The following DMD variants were observed in gnomAD, a reference collection of about 807,000 sequenced individuals.
DMD encodes the protein dystrophin.
Under a neutral mutation model 330.1 loss-of-function variants are expected in DMD, and 63 were observed. The ratio of observed to expected loss-of-function variants is 0.19; its 90% CI spans 0.16 to 0.24. The LOEUF (loss-of-function observed/expected upper bound fraction) is 0.24. Among genes scored for constraint, DMD ranks in the 10% least tolerant of loss-of-function variants. DMD has a pLI of 1.00. For synonymous variants in DMD, 1,223 were observed against 959.8 expected (o/e 1.27, Z -5.07); for missense variants, 3,344 against 2,684.1 (o/e 1.25, Z -5.43).
chrX:31,581,868 T>C (rs1433527001), intron 55 of DMD, among the ~76,000 whole-genome samples: 1 of 111,903 alleles, frequency 8.9e-6, no homozygotes, highest in Non-Finnish European at 1.9e-5. Context: ...GACCGTAAAT[T>C]TCTTTCGACT....
intron 44 of DMD, among the ~76,000 whole-genome samples, chrX:32,023,170 T>G (rs1053981026): frequency 2.7e-5 from 3 of 111,331 alleles, no homozygotes; most frequent in Non-Finnish European, 3.8e-5. Flanking sequence ...TCTTTGCAAC[T>G]TCGGAAAAAT....
chrX:32,348,464 A>C lies in DMD; in HGVS notation c.5390T>G (p.Leu1797Arg). ...NSDIQKLLEP[L>R]EAEIQQGVNL... is the part of the protein sequence containing the mutation. Reference sequence around the variant, plus strand: ...CACCCCCTGCTGAATTTCAGCCTCCAGTGGTTCAAGCAATTTTTGTATATC... The same window carrying C: ...CACCCCCTGCTGAATTTCAGCCTCCCGTGGTTCAAGCAATTTTTGTATATC... The change falls in exon 38 of 79, where the codon CTG (leucine) becomes CGG (arginine). Residue 1797 changes from leucine to arginine, a missense_variant. Leu to Arg is a moderately radical substitution (Grantham distance 102). Transcript: ENST00000357033. The C allele has an allele frequency of 8.3e-7, 1 of 1,205,594 alleles. No individual in the cohort carries two copies. The highest frequency in any genetic ancestry group is 1.7e-5 in the African/African-American group (1 of 57,597).
At chrX:31,739,742 G>A (rs757558948) in intron 51 of DMD, among the ~76,000 whole-genome samples, 49 of 106,779 alleles carry the variant, frequency 4.6e-4, no homozygotes, top group African/African-American at 1.6e-3. Context: ...AAACCTGCAC[G>A]TTCTGCACAT....
intron 9 of DMD, among the ~76,000 whole-genome samples, chrX:32,662,349 T>C (rs965910332): frequency 8.9e-6 from 1 of 111,757 alleles, no homozygotes; most frequent in African/African-American, 3.2e-5. Flanking sequence ...AGAAAACTCA[T>C]GCAGAAACTG....
At position 32,386,484 on chromosome X, in the gene DMD, C is replaced by A; in HGVS notation, c.4519-19G>T. 8.6e-7 allele frequency: 1 copy of A among 1,160,591 alleles called. No homozygotes were observed. The highest frequency in any genetic ancestry group is 1.8e-5 in the African/African-American group (1 of 56,635). On this transcript the variant is annotated intron_variant, in intron 32 of 78. Transcript: ENST00000357033. ...ACAAGTTCTAAGTTTAAACATAAAA[C>A]AAAACATGATAATCAGTAGAGTTAA...
At chrX:32,470,831 CA>C (rs945867740) in intron 22 of DMD, among the ~76,000 whole-genome samples, 6 of 110,721 alleles carry the variant, frequency 5.4e-5, no homozygotes, top group South Asian at 3.7e-4. Flanking sequence ...TTTAATTATC[CA>C]AAAAAAATTC....
At position 31,209,651 on chromosome X, in the gene DMD, T is replaced by C. The variant is rs779737146; in HGVS notation, c.9410A>G (p.Asn3137Ser). Reference sequence around the variant, plus strand: ...CATGGGCTGGTCATTTTGCTTGAGGTTGTGCTGGTCCAAGGCATCACATGC... The same window carrying C: ...CATGGGCTGGTCATTTTGCTTGAGGCTGTGCTGGTCCAAGGCATCACATGC... ...SAACDALDQHNLKQNDQPMDI... is the reference protein window; with the variant it reads ...SAACDALDQHSLKQNDQPMDI... Residue 3137 changes from asparagine (N) to serine (S), a missense_variant, in exon 65 of 79, where the codon AAC becomes AGC. Physicochemically the swap from Asn to Ser is conservative, Grantham distance 46. Coordinates refer to ENST00000357033, the MANE Select transcript of DMD (RefSeq NM_004006.3). 2.9e-5 allele frequency: 35 copies of C among 1,209,658 alleles called. No homozygotes were observed. The South Asian group carries it at 5.3e-4, about 18-fold the overall frequency.
chrX:33,277,394 C>T (rs1283453251), intron 1 of DMD, among the ~76,000 whole-genome samples: 1 of 111,312 alleles, frequency 9.0e-6, no homozygotes, highest in African/African-American at 3.3e-5. Context: ...TTGAATTGTA[C>T]ACTTTAAAAT....
At chrX:31,342,221 C>A (rs764189947) in intron 61 of DMD, among the ~76,000 whole-genome samples, 1 of 111,790 alleles carries the variant, frequency 8.9e-6, no homozygotes, top group African/African-American at 3.3e-5. Flanking sequence ...GGACTTGACC[C>A]TTTTGCCTCA....
chrX:33,029,154 G>GT (rs2094059253), intron 1 of DMD, among the ~76,000 whole-genome samples: 1 of 111,472 alleles, frequency 9.0e-6, no homozygotes, highest in South Asian at 3.8e-4. Context: ...AAACTACTCT[G>GT]TTAATTATAG....
intron 7 of DMD, among the ~76,000 whole-genome samples, chrX:32,729,939 A>G (rs1209118403): frequency 8.9e-6 from 1 of 111,968 alleles, no homozygotes; most frequent in Non-Finnish European, 1.9e-5. Context: ...CTATATGACC[A>G]TGGTCCAGGA....
chrX:32,778,458 T>C (rs1303676627), intron 7 of DMD, among the ~76,000 whole-genome samples: 3 of 111,169 alleles, frequency 2.7e-5, no homozygotes, highest in Non-Finnish European at 5.6e-5. Flanking sequence ...GAGAGTGCAG[T>C]AGTATTCAAT....
rs951881383 is a variant in DMD, at chrX:32,742,022, A to C, written c.650-42729T>G. 2.7e-5 allele frequency among the ~76,000 whole-genome samples: 3 copies of C among 111,677 alleles called. No individual in the cohort carries two copies. In the South Asian group the frequency reaches 1.1e-3, roughly 42 times the overall value. ...AATATATTTTTAGAATGTGTGTTCC[A>C]TGTCAAATGGTCCAACTCTTGACTC... On this transcript the variant is annotated intron_variant, in intron 7 of 78. Transcript: ENST00000357033.
rs2052475092 is a variant in DMD, at chrX:33,236,072, C to T, written c.7+103187G>A. 2.9e-5 allele frequency among the ~76,000 whole-genome samples: 3 copies of T among 104,826 alleles called. No homozygotes were observed. In the South Asian group the frequency reaches 1.3e-3, roughly 47 times the overall value. The allele number at this position is 104,826 out of a possible 115,157, so 91.0% of individuals were successfully genotyped here. A position where few individuals can be genotyped will look rare whatever the true frequency, so the allele number is the denominator to read the frequency against. ...CTGGGACCACAGGCACCTGCCACCA[C>T]GCCCGGCTAATTTTTTTGTATTTTT... On this transcript the variant is annotated intron_variant, in intron 1 of 17. Transcript: ENST00000288447.
chrX:31,536,404 T>C (rs1222267854), intron 55 of DMD, among the ~76,000 whole-genome samples: 2 of 111,246 alleles, frequency 1.8e-5, no homozygotes, highest in African/African-American at 3.3e-5. Context: ...GAGGTAGAAA[T>C]AAGAAGCACA....
chrX:33,134,197 C>G (rs1013817094), intron 1 of DMD, among the ~76,000 whole-genome samples: 12 of 111,719 alleles, frequency 1.1e-4, no homozygotes, highest in African/African-American at 3.6e-4. Flanking sequence ...GAGCTCAGAA[C>G]TCCCCTCCGT....
intron 55 of DMD, among the ~76,000 whole-genome samples, chrX:31,538,007 AAC>A (rs2073536196): frequency 8.9e-6 from 1 of 112,275 alleles, no homozygotes; most frequent in African/African-American, 3.2e-5. Context: ...TATACCAGCA[AAC>A]ACAGTGATTA....
At chrX:32,768,300 C>T (rs771487485) in intron 7 of DMD, among the ~76,000 whole-genome samples, 2 of 111,685 alleles carry the variant, frequency 1.8e-5, no homozygotes, top group South Asian at 7.5e-4. Flanking sequence ...AGCTATTCAT[C>T]CCTGGATGTG....
At chrX:33,214,050 CTTT>C (rs5902060), upstream of DMD, among the ~76,000 whole-genome samples, 8 of 89,056 alleles carry the variant, frequency 9.0e-5, no homozygotes, top group Non-Finnish European at 9.0e-5. Flanking sequence ...TTGAGATTGG[CTTT>C]TTTTTTTTTT....
Sources: allele counts gnomAD v4.1 joint callset (sites outside exome capture counted in the v4.1 genomes callset), GRCh38; gene constraint gnomAD v4.1.1; transcripts MANE v1.5; gene names NCBI Gene and HGNC (gene_info 2026-07-23, HGNC 2026-07-21).